IL12B: variants seen among roughly 807,000 people sequenced by gnomAD.
IL12B encodes interleukin-12 subunit beta.
A neutral mutation model predicts 39.2 loss-of-function variants in IL12B; 27 were observed. That is an observed-to-expected ratio of 0.69 (90% CI 0.51 to 0.95). The LOEUF (loss-of-function observed/expected upper bound fraction) is 0.95, where lower values mean the gene tolerates loss of function less well. Among genes scored for constraint, IL12B ranks in the 40% least tolerant of loss-of-function variants. The probability of loss-of-function intolerance (pLI) is 0.00; values close to 1 mark genes in which losing one functional copy is unlikely to be tolerated. For missense variants in IL12B, 351 were observed against 397.6 expected (o/e 0.88, Z 1.00); for synonymous variants, 142 against 152.1 (o/e 0.93, Z 0.49).
At chr5:159,327,766 C>T (rs183423402) in intron 1 of IL12B, among the ~76,000 whole-genome samples, 7 of 152,280 alleles carry the variant, frequency 4.6e-5, no homozygotes, top group Non-Finnish European at 7.4e-5. Context: ...GAAAAGACCA[C>T]AACATATTGA....
At chr5:159,318,020 A>T (rs1240929095) in intron 6 of IL12B, 1 of 152,762 alleles carries the variant, frequency 6.5e-6, no homozygotes, top group African/African-American at 2.4e-5. Flanking sequence ...TTGTGAAATG[A>T]TGATAATACT....
Position 159,318,779 on chromosome 5 carries a change from AG to A in IL12B, c.811del (p.Leu271Ter). On this transcript the variant is annotated frameshift_variant, in exon 6 of 8. Coordinates refer to ENST00000231228, the MANE Select transcript of IL12B (RefSeq NM_002187.3). LOFTEE classifies it high-confidence loss of function. Reference protein sequence around the residue: ...TWSTPHSYFSLTFCVQVQGKS... With the variant: ...TWSTPHSYFSXTFCVQVQGKS... ...GCCCTGGACCTGAACGCAGAATGTC[AG>A]GGAGAAGTAGGAATGTGGAGTACTC... 1.2e-6 allele frequency: 2 copies of A among 1,614,184 alleles called. No homozygotes were observed. Among genetic ancestry groups the A allele is most frequent in the Non-Finnish European group, 1.7e-6 (2 of 1,180,014 alleles).
chr5:159,323,145 G>A lies in IL12B; in HGVS notation c.273C>T (p.His91=), dbSNP rs1446642652. Residue 91 remains histidine, a synonymous_variant, in exon 3 of 8, where the codon CAC becomes CAT. Transcript: ENST00000231228. The part of the protein sequence containing the change: ...EFGDAGQYTC[H]KGGEVLSHSL... Reference sequence around the variant, plus strand: ...AATGGCTTAGAACCTCGCCTCCTTTGTGACAGGTGTACTGGCCAGCATCTC... The same window carrying A: ...AATGGCTTAGAACCTCGCCTCCTTTATGACAGGTGTACTGGCCAGCATCTC... The A allele has an allele frequency of 6.2e-7, 1 of 1,614,006 alleles. No homozygotes were observed. Among genetic ancestry groups the A allele is most frequent in the African/African-American group, 1.3e-5 (1 of 74,908 alleles).
chr5:159,319,398 A>C (rs1260193346), intron 5 of IL12B, among the ~76,000 whole-genome samples: 1 of 152,098 alleles, frequency 6.6e-6, no homozygotes, highest in African/African-American at 2.4e-5. Context: ...TCTATGCTCA[A>C]TTTGCTTGTT....
rs1183673019 is a variant in IL12B, at chr5:159,316,599, C to G, written c.*86G>C. The G allele has an allele frequency of 1.9e-5, 27 of 1,445,342 alleles. No homozygotes were observed. The East Asian group carries it at 6.2e-4, about 33-fold the overall frequency. 89.5% of individuals were successfully genotyped at this position (1,445,342 alleles called of 1,614,324 possible). ...GGTGCTGGCCACTCCATCCCCCTTT[C>G]CTCTCCAACACAGCCCCCAATCATA... On this transcript the variant is annotated intron_variant, in intron 7 of 7. Coordinates refer to ENST00000231228, the MANE Select transcript of IL12B (RefSeq NM_002187.3).
intron 2 of IL12B, among the ~76,000 whole-genome samples, chr5:159,325,859 A>C (rs1040171491): frequency 1.3e-5 from 2 of 152,198 alleles, no homozygotes; most frequent in East Asian, 3.8e-4. Flanking sequence ...TAAAAATCTG[A>C]GGGTCTTTCA....
intron 4 of IL12B, among the ~76,000 whole-genome samples, chr5:159,322,080 G>T (rs2853694): frequency 0.59 from 89,002 of 151,964 alleles, 26,965 homozygotes; most frequent in African/African-American, 0.74. Flanking sequence ...TGAATTCTCC[G>T]TTTATCCCTT....
At chr5:159,322,584 AG>A in intron 3 of IL12B, 73 bp from the exon 4 acceptor site, 3 of 932,770 alleles carry the variant, frequency 3.2e-6, no homozygotes, top group Non-Finnish European at 3.5e-6. Flanking sequence ...GATGAATCAC[AG>A]ATCACCAGAT....
chr5:159,323,282 C>T lies in IL12B; in HGVS notation c.136G>A (p.Val46Met), dbSNP rs756413190. Reference protein sequence around the residue: ...DWYPDAPGEMVVLTCDTPEED... With the variant: ...DWYPDAPGEMMVLTCDTPEED... The stretch of plus-strand genomic sequence containing the variant: ...TCAGGGGTGTCACAGGTGAGGACCA[C>T]CATTTCTCCAGGGGCATCCGGATAC... Residue 46 changes from valine (V) to methionine (M), a missense_variant, in exon 3 of 8, where the codon GTG becomes ATG. Physicochemically the swap from Val to Met is conservative, Grantham distance 21. Transcript: ENST00000231228. 3.1e-6 allele frequency: 5 copies of T among 1,614,106 alleles called. No homozygotes were observed. The South Asian group carries it at 4.4e-5, about 14-fold the overall frequency.
At chr5:159,325,296 T>G (rs1005388725) in intron 2 of IL12B, among the ~76,000 whole-genome samples, 2 of 152,222 alleles carry the variant, frequency 1.3e-5, no homozygotes, top group South Asian at 2.1e-4. Flanking sequence ...GGATCTGCCA[T>G]ATACCCCTGG....
intron 6 of IL12B, chr5:159,318,083 G>A (rs1754018040): frequency 6.5e-6 from 1 of 154,334 alleles, no homozygotes; most frequent in East Asian, 1.9e-4. Context: ...CAATGAGCAC[G>A]TAGTGAGGGC....
chr5:159,316,959 A>G (rs943880210), intron 6 of IL12B, 143 bp from the exon 7 acceptor site: 3 of 893,894 alleles, frequency 3.4e-6, no homozygotes, highest in East Asian at 2.5e-5. Flanking sequence ...AGGGGTGTGC[A>G]TAGAACTTGC....
chr5:159,320,369 C>T lies in IL12B; in HGVS notation c.634G>A (p.Val212Met), dbSNP rs1354465878. 6.2e-7 allele frequency: 1 copy of T among 1,614,210 alleles called. No individual in the cohort carries two copies. Among genetic ancestry groups the T allele is most frequent in the Non-Finnish European group, 8.5e-7 (1 of 1,180,034 alleles). Residue 212 changes from valine (V) to methionine (M), a missense_variant, in exon 5 of 8, where the codon GTG (valine) becomes ATG (methionine). Coordinates refer to ENST00000231228, the MANE Select transcript of IL12B (RefSeq NM_002187.3). ...TACTTGAGCTTGTGAACGGCATCCA[C>T]CATGACCTCAATGGGCAGACTCTCC... ...AEESLPIEVMVDAVHKLKYEN... is the reference protein window; with the variant it reads ...AEESLPIEVMMDAVHKLKYEN...
intron 1 of IL12B, among the ~76,000 whole-genome samples, chr5:159,328,545 T>G (rs1377367570): frequency 3.3e-5 from 5 of 152,024 alleles, no homozygotes; most frequent in African/African-American, 1.2e-4. Flanking sequence ...GAGGAAGAGG[T>G]AAGGGAACAA....
In IL12B at chr5:159,323,095, T is replaced by C. The variant is rs771727370; in HGVS notation, c.323A>G (p.Glu108Gly). Residue 108 changes from glutamate to glycine, a missense_variant, in exon 3 of 8, where the codon GAA (glutamate) becomes GGA (glycine). Transcript: ENST00000231228. Reference sequence around the variant, plus strand: ...AATATCAGTGGACCAAATTCCATCTTCCTTTTTGTGAAGCAGCAGGAGCGA... The same window carrying C: ...AATATCAGTGGACCAAATTCCATCTCCCTTTTTGTGAAGCAGCAGGAGCGA... Reference protein sequence around the residue: ...SHSLLLLHKKEDGIWSTDILK... With the variant: ...SHSLLLLHKKGDGIWSTDILK... The C allele has an allele frequency of 6.2e-7, 1 of 1,614,182 alleles. No homozygotes were observed. The highest frequency in any genetic ancestry group is 1.1e-5 in the South Asian group (1 of 91,086).
chr5:159,318,960 T>C, intron 5 of IL12B, 67 bp from the exon 6 acceptor site: 1 of 1,321,362 alleles, frequency 7.6e-7, no homozygotes, highest in South Asian at 1.2e-5. Context: ...TTTTGGCTTA[T>C]GATCTCACTT....
chr5:159,322,298 A>C, intron 4 of IL12B, 96 bp downstream of exon 4: 1 of 842,636 alleles, frequency 1.2e-6, no homozygotes, highest in East Asian at 2.4e-5. Context: ...TGCTTTTCCC[A>C]TTATCATTAA....
chr5:159,328,774 A>C (rs911624828), intron 1 of IL12B, among the ~76,000 whole-genome samples: 1 of 152,210 alleles, frequency 6.6e-6, no homozygotes, highest in Admixed American at 6.5e-5. Flanking sequence ...CCTCAGATGC[A>C]TTTGACAATC....
chr5:159,330,203 T>C (rs1754254404), intron 1 of IL12B, among the ~76,000 whole-genome samples: 1 of 152,186 alleles, frequency 6.6e-6, no homozygotes, highest in Non-Finnish European at 1.5e-5. Context: ...TACACACAGA[T>C]CTTGCTATAC....
Sources: gnomAD v4.1 joint callset for allele counts (sites outside exome capture counted in the v4.1 genomes callset) on GRCh38, gnomAD v4.1.1 for gene constraint, MANE v1.5 for transcripts, NCBI Gene and HGNC (gene_info 2026-07-23, HGNC 2026-07-21) for gene names.